The following SGCE variants were observed in gnomAD, a reference collection of about 807,000 sequenced individuals.
The protein encoded by SGCE is epsilon-sarcoglycan.
Under a neutral mutation model 57.8 loss-of-function variants are expected in SGCE, and 26 were observed. The observed-to-expected ratio is 0.45, with a 90% CI of 0.33 to 0.62. The LOEUF (loss-of-function observed/expected upper bound fraction) is 0.62. SGCE is among the 20% of genes least tolerant of loss of function. The pLI is 0.02. For missense variants in SGCE, 468 were observed against 548.6 expected, an observed-to-expected ratio of 0.85 and a Z score of 1.47; for synonymous variants, 183 against 189.5, an observed-to-expected ratio of 0.97 and a Z score of 0.28.
intron 1 of SGCE, among the ~76,000 whole-genome samples, chr7:94,655,145 T>G (rs1424781331): frequency 6.6e-6 from 1 of 152,220 alleles, no homozygotes; most frequent in Admixed American, 6.5e-5. Context: ...AACGCATTCA[T>G]TCACCCTACA....
rs573769907 is a variant in SGCE at position 94,604,762 on chromosome 7, T to A, written c.663-1310A>T. ...TTGAGGCATAGGCTCACTAAAAGAT[T>A]GAAAACTAATCATAGAATTATTTTT... On this transcript the variant is annotated intron_variant, in intron 5 of 10. Transcript: ENST00000648936. 3.5e-3 allele frequency among the ~76,000 whole-genome samples: 411 copies of A among 117,802 alleles called. 2 individuals are homozygous for A. The highest frequency in any genetic ancestry group is 0.013 in the African/African-American group (399 of 31,496). 77.3% of individuals were successfully genotyped at this position (117,802 alleles called of 152,430 possible).
chr7:94,648,295 A>T (rs1282125537), intron 1 of SGCE, among the ~76,000 whole-genome samples: 3 of 149,736 alleles, frequency 2.0e-5, no homozygotes, highest in Non-Finnish European at 4.4e-5. Context: ...GAATCACTTG[A>T]ACCCGGGAGG....
At chr7:94,627,300 A>G (rs1803879296) in intron 3 of SGCE, 1 of 152,052 alleles carries the variant, frequency 6.6e-6, no homozygotes, top group Non-Finnish European at 1.5e-5. Context: ...AAAGTATTGT[A>G]TTAATTCCTA....
At chr7:94,593,579 T>C (rs554229853) in intron 9 of SGCE, among the ~76,000 whole-genome samples, 1 of 152,088 alleles carries the variant, frequency 6.6e-6, no homozygotes, top group East Asian at 1.9e-4. Flanking sequence ...GACTACAAAA[T>C]AACATTTTTT....
rs1342380663 is a variant in SGCE, at chr7:94,605,827, ATTTTATTTTAT to A, written c.663-2386_663-2376del. Among the ~76,000 whole-genome samples, 8 of 151,990 alleles carry A rather than the reference ATTTTATTTTAT, an allele frequency of 5.3e-5. No individual in the cohort carries two copies. In the East Asian group the frequency reaches 1.3e-3, roughly 26 times the overall value. On this transcript the variant is annotated intron_variant, in intron 5 of 10. Coordinates refer to ENST00000648936, the MANE Select transcript of SGCE (RefSeq NM_003919.3). The stretch of plus-strand genomic sequence containing the variant: ...AACAAATATAGTAGATTTATATTTT[ATTTTATTTTAT>A]TTTTATTTTATTTTTGAGACACAGT...
At chr7:94,639,311 A>G (rs1400522075) in intron 1 of SGCE, 5 of 1,335,312 alleles carry the variant, frequency 3.7e-6, no homozygotes, top group South Asian at 1.3e-5. Context: ...GGCTCCCCCA[A>G]AGGGATTTAG....
chr7:94,626,343 C>T (rs952944254), intron 3 of SGCE: 4 of 151,934 alleles, frequency 2.6e-5, no homozygotes, highest in Admixed American at 6.6e-5. Flanking sequence ...ACAAATCCTT[C>T]CCTATCCATA....
chr7:94,629,818 G>T lies in SGCE; in HGVS notation c.133C>A (p.His45Asn), dbSNP rs749953335. ...LTVYSIFSKV[H>N]SDRNVYPSAG... ...GATGGGTATACATTCCGATCGGAGT[G>T]TACCTTGGAGAAAATACTGTACACT... The change falls in exon 2 of 11, where the codon CAC becomes AAC. Residue 45 changes from histidine to asparagine, a missense_variant. His to Asn is a moderately conservative substitution (Grantham distance 68). Coordinates refer to ENST00000648936, the MANE Select transcript of SGCE (RefSeq NM_003919.3). 3 of 1,610,878 alleles carry T rather than the reference G, an allele frequency of 1.9e-6. No homozygotes were observed. The highest frequency in any genetic ancestry group is 1.7e-6 in the Non-Finnish European group (2 of 1,177,658).
At chr7:94,652,882 C>T (rs1808093614) in intron 1 of SGCE, among the ~76,000 whole-genome samples, 1 of 152,098 alleles carries the variant, frequency 6.6e-6, no homozygotes, top group African/African-American at 2.4e-5. Context: ...TAGCAATTGT[C>T]ATTAAAAATG....
chr7:94,586,060 T>TAAAAAAA (rs1796844570), intron 10 of SGCE, among the ~76,000 whole-genome samples: 1 of 5,938 alleles, frequency 1.7e-4, no homozygotes, highest in African/African-American at 1.1e-3. Context: ...AGGAACTAAA[T>TAAAAAAA]GAAAAAAAAA....
chr7:94,654,968 AAG>A (rs1199004671), intron 1 of SGCE, among the ~76,000 whole-genome samples: 1 of 152,184 alleles, frequency 6.6e-6, no homozygotes, highest in East Asian at 1.9e-4. Context: ...AATCCGCGTT[AAG>A]GTTTTATTTA....
intron 9 of SGCE, among the ~76,000 whole-genome samples, chr7:94,596,870 G>A (rs1320511186): frequency 2.6e-5 from 4 of 151,894 alleles, no homozygotes; most frequent in African/African-American, 7.3e-5. Context: ...TCACTGGCAC[G>A]CTAGGGTAAA....
chr7:94,599,087 G>A, intron 8 of SGCE, 124 bp from the exon 9 acceptor site: 1 of 676,668 alleles, frequency 1.5e-6, no homozygotes, highest in Non-Finnish European at 2.5e-6. Context: ...TGGCACTTTG[G>A]GCATTCAATA....
Position 94,586,259 on chromosome 7 carries a change from A to AC in SGCE, c.1298-745_1298-744insG, listed in dbSNP as rs1168862936. 2.0e-5 allele frequency among the ~76,000 whole-genome samples: 3 copies of AC among 152,108 alleles called. No homozygotes were observed. In the East Asian group the frequency reaches 5.8e-4, roughly 29 times the overall value. ...AAAACTCCAGTTACTGTTTGATGAT[A>AC]ATCATGCATAAATGTAGCTGCCTCT... On this transcript the variant is annotated intron_variant, in intron 10 of 10. Transcript: ENST00000648936.
chr7:94,588,707 G>A lies in SGCE; in HGVS notation c.1279C>T (p.Pro427Ser). Residue 427 changes from proline to serine, a missense_variant, in exon 10 of 11, where the codon CCC (proline) becomes TCC (serine). Transcript: ENST00000648936. Reference sequence around the variant, plus strand: ...CACTCACCTGTAGTCTGCTGTTGGGGAATCTGAGTCTGATGTGGCAAGTTC... The same window carrying A: ...CACTCACCTGTAGTCTGCTGTTGGGAAATCTGAGTCTGATGTGGCAAGTTC... ...QQNLPHQTQI[P>S]QQQTTGKWYP 1 of 1,608,484 alleles carries A rather than the reference G, an allele frequency of 6.2e-7. No homozygotes were observed. The highest frequency in any genetic ancestry group is 8.5e-7 in the Non-Finnish European group (1 of 1,175,022).
chr7:94,607,470 CT>C (rs1800337024), intron 5 of SGCE, among the ~76,000 whole-genome samples: 1 of 152,152 alleles, frequency 6.6e-6, no homozygotes, highest in Admixed American at 6.5e-5. Context: ...TCAACTGGGA[CT>C]TTCCCCAGTT....
At chr7:94,587,921 A>T in intron 10 of SGCE, 1 of 1,450,714 alleles carries the variant, frequency 6.9e-7, no homozygotes, top group South Asian at 1.5e-5. Flanking sequence ...TAGTTTCCCT[A>T]CCACAATGCC....
intron 1 of SGCE, among the ~76,000 whole-genome samples, chr7:94,641,399 G>C (rs150260564): frequency 6.6e-6 from 1 of 152,172 alleles, no homozygotes; most frequent in Admixed American, 6.5e-5. Flanking sequence ...CTGAAGAGTA[G>C]CAAGGTGGAC....
intron 1 of SGCE, among the ~76,000 whole-genome samples, chr7:94,641,189 G>A (rs578168631): frequency 6.6e-6 from 1 of 152,170 alleles, no homozygotes. Context: ...CTGCAAAAAG[G>A]TCAAAGAGGA....
Sources: gnomAD v4.1 joint callset for allele counts (sites outside exome capture counted in the v4.1 genomes callset) on GRCh38, gnomAD v4.1.1 for gene constraint, MANE v1.5 for transcripts, NCBI Gene and HGNC (gene_info 2026-07-23, HGNC 2026-07-21) for gene names.